Variants in TARBP1 observed in about 807,000 individuals in gnomAD.
TARBP1 encodes the protein tRNA (guanosine(18)-2'-O)-methyltransferase TARBP1.
TARBP1 carries 144 observed loss-of-function variants against 178.6 expected under a neutral mutation model. The observed-to-expected ratio is 0.81, with a 90% CI of 0.70 to 0.93. TARBP1 has a LOEUF of 0.93. Among genes scored for constraint, TARBP1 ranks in the 40% least tolerant of loss-of-function variants. TARBP1 has a pLI of 0.00. For missense variants in TARBP1, 2,067 were observed against 2,011.7 expected, an observed-to-expected ratio of 1.03 and a Z score of -0.53; for synonymous variants, 787 against 781.0, an observed-to-expected ratio of 1.01 and a Z score of -0.13.
At chr1:234,467,200 C>T (rs1209272571) in intron 4 of TARBP1, among the ~76,000 whole-genome samples, 1 of 152,172 alleles carries the variant, frequency 6.6e-6, no homozygotes, top group Non-Finnish European at 1.5e-5. Flanking sequence ...CACCTGATAG[C>T]TTCTATACCA....
chr1:234,394,743 C>T (rs1248949110), intron 26 of TARBP1, among the ~76,000 whole-genome samples: 1 of 152,176 alleles, frequency 6.6e-6, no homozygotes, highest in Non-Finnish European at 1.5e-5. Context: ...GCACAGCCTG[C>T]AATGGAGTGG....
chr1:234,425,412 G>A (rs927942807), intron 20 of TARBP1, among the ~76,000 whole-genome samples: 8 of 152,020 alleles, frequency 5.3e-5, no homozygotes, highest in African/African-American at 1.4e-4. Flanking sequence ...TAGAGACAAG[G>A]TCTCACTATG....
In TARBP1 at chr1:234,478,656, A is replaced by G. The variant is rs1244583561; in HGVS notation, c.448T>C (p.Cys150Arg). Residue 150 changes from cysteine (C) to arginine (R), a missense_variant, in exon 1 of 30, where the codon TGT becomes CGT. By Grantham distance (180) the Cys-to-Arg change is radical. Coordinates refer to ENST00000040877, the MANE Select transcript of TARBP1 (RefSeq NM_005646.4). ...GGCCCGTCCTCGCGGGGCCGCAAACATGGCCCGACGGCTGCTAGCACTTCC... is the reference window on the plus strand; with the variant it reads ...GGCCCGTCCTCGCGGGGCCGCAAACGTGGCCCGACGGCTGCTAGCACTTCC... ...AVEVLAAVGP[C>R]LRPREDGPLL... 2 of 1,268,910 alleles carry G rather than the reference A, an allele frequency of 1.6e-6. No homozygotes were observed. Among genetic ancestry groups the G allele is most frequent in the Non-Finnish European group, 2.0e-6 (2 of 1,008,606 alleles). The allele number at this position is 1,268,910 out of a possible 1,614,324, so 78.6% of individuals were successfully genotyped here. A position where few individuals can be genotyped will look rare whatever the true frequency, so the allele number is the denominator to read the frequency against.
At chr1:234,448,974 G>A (rs549978365) in intron 10 of TARBP1, among the ~76,000 whole-genome samples, 53 of 152,332 alleles carry the variant, frequency 3.5e-4, no homozygotes, top group African/African-American at 1.2e-3. Flanking sequence ...CATCCAGAGA[G>A]TAAGAGGAAG....
intron 13 of TARBP1, among the ~76,000 whole-genome samples, chr1:234,436,142 G>A (rs12049594): frequency 0.13 from 20,377 of 152,036 alleles, 1,496 homozygotes; most frequent in Middle Eastern, 0.26. Flanking sequence ...CTCTCCCTCT[G>A]TTTTTAGCTT....
Position 234,425,887 on chromosome 1 carries a change from C to G in TARBP1, c.3324-94G>C, listed in dbSNP as rs969015004. On this transcript the variant is annotated intron_variant, in intron 19 of 29. Transcript: ENST00000040877. ...TTCAAATATCATTACACGATCAAAA[C>G]CTCTCAAAGTTTTCTAAAATTAAGT... 4 of 1,030,298 alleles carry G rather than the reference C, an allele frequency of 3.9e-6. No homozygotes were observed. In the African/African-American group the frequency reaches 6.5e-5, roughly 17 times the overall value. The allele number at this position is 1,030,298 out of a possible 1,614,324, so 63.8% of individuals were successfully genotyped here.
At chr1:234,476,267 C>T (rs991251407) in intron 1 of TARBP1, among the ~76,000 whole-genome samples, 1 of 152,106 alleles carries the variant, frequency 6.6e-6, no homozygotes, top group Admixed American at 6.5e-5. Flanking sequence ...ATGGAATTAT[C>T]AGACAAACAA....
At chr1:234,448,437 G>C (rs377116120) in intron 11 of TARBP1, 43 bp downstream of exon 11, 17 of 1,546,334 alleles carry the variant, frequency 1.1e-5, no homozygotes, top group South Asian at 4.5e-5. Flanking sequence ...TTCTCATCAG[G>C]ATTTTTCAAA....
intron 26 of TARBP1, among the ~76,000 whole-genome samples, chr1:234,394,808 G>A (rs927309542): frequency 6.6e-6 from 1 of 152,196 alleles, no homozygotes; most frequent in African/African-American, 2.4e-5. Flanking sequence ...AATTTATTCT[G>A]TTGGCCAGGC....
At position 234,391,754 on chromosome 1, in the gene TARBP1, G is replaced by GA. The variant is rs760011361; in HGVS notation, c.4698-10dup. 1.3e-5 allele frequency: 21 copies of GA among 1,608,604 alleles called. No individual in the cohort carries two copies. In the South Asian group the frequency reaches 2.3e-4, roughly 18 times the overall value. ...TTCCCTCACGTTCATTTCTGAGGAA[G>GA]AAAATGGAAGAAAGATTAGTTTTCC... On this transcript the variant is annotated splice_polypyrimidine_tract_variant and intron_variant, in intron 29 of 29. Transcript: ENST00000040877.
intron 13 of TARBP1, among the ~76,000 whole-genome samples, chr1:234,435,267 T>C (rs1365957695): frequency 6.6e-6 from 1 of 152,078 alleles, no homozygotes; most frequent in African/African-American, 2.4e-5. Flanking sequence ...CTGACCAACA[T>C]AGTGAAACTC....
rs1558131023 is a variant in TARBP1, at chr1:234,391,556, C to CAGT, written c.*18_*20dup. Reference sequence around the variant, plus strand: ...TTTAAAAAAGTCTGAACAGCAGCAGCAGTTCACTAAGGAAGGCACATCATG... The same window carrying CAGT: ...TTTAAAAAAGTCTGAACAGCAGCAGCAGTAGTTCACTAAGGAAGGCACATCATG... On this transcript the variant is annotated 3_prime_UTR_variant, in exon 30 of 30. Coordinates refer to ENST00000040877, the MANE Select transcript of TARBP1 (RefSeq NM_005646.4). 1 of 1,575,320 alleles carries CAGT rather than the reference C, an allele frequency of 6.3e-7. No individual in the cohort carries two copies. Among genetic ancestry groups the CAGT allele is most frequent in the African/African-American group, 1.4e-5 (1 of 73,904 alleles).
Position 234,469,074 on chromosome 1 carries a change from TTTTAAAAAA to T in TARBP1, c.1100-1433_1100-1425del, listed in dbSNP as rs1276153707. On this transcript the variant is annotated intron_variant, in intron 3 of 29. Coordinates refer to ENST00000040877, the MANE Select transcript of TARBP1 (RefSeq NM_005646.4). Reference sequence around the variant, plus strand: ...GCGGTTTTTGCCTTTTTTTTTTTTTTTTTAAAAAAAAAAAAAAGGCAAAAACCGCAACGA... The same window carrying T: ...GCGGTTTTTGCCTTTTTTTTTTTTTTAAAAAAAAGGCAAAAACCGCAACGA... Among the ~76,000 whole-genome samples the T allele has an allele frequency of 1.4e-3, 25 of 17,286 alleles. 1 individual carries two copies. Among genetic ancestry groups the T allele is most frequent in the African/African-American group, 2.7e-3 (6 of 2,204 alleles). The allele number at this position is 17,286 out of a possible 152,430, so 11.3% of individuals were successfully genotyped here. A position where few individuals can be genotyped will look rare whatever the true frequency, so the allele number is the denominator to read the frequency against.
At chr1:234,471,118 C>T (rs888917833) in intron 3 of TARBP1, 70 bp downstream of exon 3, 3 of 1,156,576 alleles carry the variant, frequency 2.6e-6, no homozygotes, top group Non-Finnish European at 3.7e-6. Context: ...CTACAATGAA[C>T]AGGAATTAGT....
chr1:234,412,861 A>G (rs760415529), intron 22 of TARBP1, among the ~76,000 whole-genome samples: 2 of 152,138 alleles, frequency 1.3e-5, no homozygotes, highest in African/African-American at 2.4e-5. Flanking sequence ...CCCTCCCTAC[A>G]TATGCCCGAT....
intron 15 of TARBP1, 97 bp downstream of exon 15, chr1:234,429,990 C>T: frequency 1.6e-6 from 2 of 1,230,042 alleles, no homozygotes; most frequent in Non-Finnish European, 2.3e-6. Flanking sequence ...GGAGCTTCAG[C>T]CCCAAAATTC....
chr1:234,427,900 CTT>C, intron 17 of TARBP1, 134 bp from the exon 18 acceptor site: 2 of 497,782 alleles, frequency 4.0e-6, no homozygotes. Flanking sequence ...GTTAGAATAA[CTT>C]TGCGAGATGA....
intron 1 of TARBP1, among the ~76,000 whole-genome samples, chr1:234,474,276 AC>A (rs34098041): frequency 0.1 from 14,826 of 145,922 alleles, 885 homozygotes; most frequent in Non-Finnish European, 0.13. Context: ...ACACACACAC[AC>A]ACACACACAC....
At chr1:234,417,425 C>T (rs77338469) in intron 22 of TARBP1, among the ~76,000 whole-genome samples, 4,370 of 152,096 alleles carry the variant, frequency 0.029, 88 homozygotes, top group Non-Finnish European at 0.036. Flanking sequence ...TCCATTTTCA[C>T]ACAAAGAAGA....
Sources: allele counts gnomAD v4.1 joint callset (sites outside exome capture counted in the v4.1 genomes callset), GRCh38; gene constraint gnomAD v4.1.1; transcripts MANE v1.5; gene names NCBI Gene and HGNC (gene_info 2026-07-23, HGNC 2026-07-21).